The following CADPS2 variants were observed in gnomAD, a reference collection of about 807,000 sequenced individuals.
CADPS2 encodes the protein calcium dependent secretion activator 2.
In CADPS2, 93 loss-of-function variants were observed where a neutral mutation model predicts 172.5. That is an observed-to-expected ratio of 0.54 (90% CI 0.46 to 0.64). The LOEUF (loss-of-function observed/expected upper bound fraction) is 0.64. Among genes scored for constraint, CADPS2 ranks in the 30% least tolerant of loss-of-function variants. The probability of loss-of-function intolerance (pLI) is 0.00; values close to 1 mark genes in which losing one functional copy is unlikely to be tolerated. For synonymous variants in CADPS2, 546 were observed against 555.2 expected, an observed-to-expected ratio of 0.98 and a Z score of 0.23; for missense variants, 1,420 against 1,565.9, an observed-to-expected ratio of 0.91 and a Z score of 1.57.
At chr7:122,560,189 TAGA>T (rs1459593559) in intron 7 of CADPS2, among the ~76,000 whole-genome samples, 1 of 152,112 alleles carries the variant, frequency 6.6e-6, no homozygotes, top group East Asian at 1.9e-4. Context: ...TCATTTTGGC[TAGA>T]AGGTTACTGT....
chr7:122,559,409 A>C (rs1178791852), intron 7 of CADPS2, among the ~76,000 whole-genome samples: 1 of 152,276 alleles, frequency 6.6e-6, no homozygotes, highest in South Asian at 2.1e-4. Flanking sequence ...CTCCACGAAA[A>C]GAACTTCAAT....
At chr7:122,847,916 G>T (rs1406474699) in intron 1 of CADPS2, among the ~76,000 whole-genome samples, 1 of 152,168 alleles carries the variant, frequency 6.6e-6, no homozygotes, top group Non-Finnish European at 1.5e-5. Context: ...CAATACGGTA[G>T]CAAAGCCAGT....
chr7:122,498,253 G>A (rs1250278102), intron 9 of CADPS2, among the ~76,000 whole-genome samples: 2 of 152,068 alleles, frequency 1.3e-5, no homozygotes, highest in African/African-American at 4.8e-5. Flanking sequence ...CAGCCTATTT[G>A]CCTCTTCTTT....
chr7:122,698,786 A>G (rs2085563869), intron 2 of CADPS2: 3 of 1,613,974 alleles, frequency 1.9e-6, no homozygotes, highest in Admixed American at 3.3e-5. Flanking sequence ...ACATGAAATG[A>G]TATGTTCATA....
At chr7:122,599,125 G>A (rs900925070) in intron 6 of CADPS2, among the ~76,000 whole-genome samples, 5 of 152,142 alleles carry the variant, frequency 3.3e-5, no homozygotes, top group Non-Finnish European at 7.4e-5. Context: ...CCTGCTCCTA[G>A]TAGGGACAAC....
rs993919113 is a variant in CADPS2, at chr7:122,880,531, C to G, written c.339+5468G>C. ...TCTCACTTGTTATTGCCAATACTTT[C>G]ATTTTTCCTAGGTGAAAATAAGCCA... On this transcript the variant is annotated intron_variant, in intron 1 of 29. Coordinates refer to ENST00000449022, the MANE Select transcript of CADPS2 (RefSeq NM_017954.11). Among the ~76,000 whole-genome samples, 14 of 152,266 alleles carry G rather than the reference C, an allele frequency of 9.2e-5. No homozygotes were observed. The Middle Eastern group carries it at 0.01, about 111-fold the overall frequency.
At chr7:122,620,896 C>T (rs1224827443) in intron 5 of CADPS2, among the ~76,000 whole-genome samples, 1 of 151,970 alleles carries the variant, frequency 6.6e-6, no homozygotes, top group African/African-American at 2.4e-5. Context: ...CTTATTTTAT[C>T]AATGAATTTT....
chr7:122,361,248 A>ATTT (rs1181719835), intron 25 of CADPS2, among the ~76,000 whole-genome samples: 10,633 of 109,344 alleles, frequency 0.097, 1,007 homozygotes, highest in Non-Finnish European at 0.13. Flanking sequence ...TTTTTTTTTA[A>ATTT]AATGAGATGG....
At position 122,397,309 on chromosome 7, in the gene CADPS2, AT is replaced by A. The variant is rs1330271148; in HGVS notation, c.2747-3728del. 2.0e-5 allele frequency among the ~76,000 whole-genome samples: 3 copies of A among 152,102 alleles called. No individual in the cohort carries two copies. In the East Asian group the frequency reaches 5.8e-4, roughly 29 times the overall value. ...TTTGCTCAGAATTCAGCAAAGAGTT[AT>A]TTTTTATTTGAAAAAAATTATAAAC... On this transcript the variant is annotated intron_variant, in intron 20 of 29. Transcript: ENST00000449022.
chr7:122,685,200 A>G (rs893689479), intron 2 of CADPS2, among the ~76,000 whole-genome samples: 11 of 152,184 alleles, frequency 7.2e-5, no homozygotes, highest in Non-Finnish European at 1.5e-4. Flanking sequence ...CACCACCACT[A>G]AAGTGACATC....
At chr7:122,885,457 A>G (rs1824077967) in intron 1 of CADPS2, among the ~76,000 whole-genome samples, 1 of 152,056 alleles carries the variant, frequency 6.6e-6, no homozygotes. Context: ...TGGTTGTATG[A>G]CAATATAGGA....
chr7:122,752,257 TTACTC>T (rs2092982752), intron 1 of CADPS2, among the ~76,000 whole-genome samples: 1 of 152,152 alleles, frequency 6.6e-6, no homozygotes, highest in Non-Finnish European at 1.5e-5. Flanking sequence ...GAAACCCTGT[TTACTC>T]TATAAAGATA....
chr7:122,524,320 T>G (rs886668531), intron 8 of CADPS2, among the ~76,000 whole-genome samples: 3 of 152,112 alleles, frequency 2.0e-5, no homozygotes, highest in Admixed American at 6.6e-5. Context: ...TTCATTTCCT[T>G]TTTTTTGGAA....
intron 5 of CADPS2, 66 bp from the exon 6 acceptor site, chr7:122,615,365 C>A (rs562631734): frequency 1.9e-6 from 2 of 1,047,718 alleles, no homozygotes; most frequent in African/African-American, 1.6e-5. Context: ...ACATAAACAG[C>A]AGCATGAACT....
chr7:122,833,177 A>G (rs900686578), intron 1 of CADPS2, among the ~76,000 whole-genome samples: 1 of 152,220 alleles, frequency 6.6e-6, no homozygotes, highest in East Asian at 1.9e-4. Flanking sequence ...TTTCATGGCA[A>G]CATGACAGGT....
intron 1 of CADPS2, among the ~76,000 whole-genome samples, chr7:122,834,644 C>T (rs565451259): frequency 5.3e-5 from 8 of 152,332 alleles, no homozygotes; most frequent in Admixed American, 1.3e-4. Context: ...TTATATACGG[C>T]GCCTGGCTTG....
chr7:122,640,844 G>A (rs1563934332), intron 3 of CADPS2, among the ~76,000 whole-genome samples: 4 of 151,142 alleles, frequency 2.6e-5, no homozygotes, highest in African/African-American at 9.7e-5. Context: ...TGAGGCAGAA[G>A]AATGGCGTGA....
At chr7:122,357,960 G>A (rs2039635533) in intron 27 of CADPS2, among the ~76,000 whole-genome samples, 2 of 152,114 alleles carry the variant, frequency 1.3e-5, no homozygotes, top group Non-Finnish European at 2.9e-5. Context: ...ATTTTGGGGT[G>A]GACATATGTT....
intron 1 of CADPS2, among the ~76,000 whole-genome samples, chr7:122,790,629 C>T (rs1795098608): frequency 6.6e-6 from 1 of 152,016 alleles, no homozygotes; most frequent in South Asian, 2.1e-4. Context: ...ATAAAACATC[C>T]AACTTAATCC....
Sources: gnomAD v4.1 joint callset for allele counts (sites outside exome capture counted in the v4.1 genomes callset) on GRCh38, gnomAD v4.1.1 for gene constraint, MANE v1.5 for transcripts, NCBI Gene and HGNC (gene_info 2026-07-23, HGNC 2026-07-21) for gene names.